Variants in LARS2 observed in about 807,000 individuals in gnomAD.
The protein encoded by LARS2 is leucyl-tRNA synthetase 2, mitochondrial, also known as leucine--tRNA ligase, mitochondrial.
Under a neutral mutation model 116.6 loss-of-function variants are expected in LARS2, and 81 were observed. That is an observed-to-expected ratio of 0.69 (90% CI 0.58 to 0.84). The LOEUF is 0.84. LARS2 is among the 40% of genes least tolerant of loss of function. The pLI is 0.00. For synonymous variants in LARS2, 396 were observed against 407.2 expected, an observed-to-expected ratio of 0.97 and a Z score of 0.33; for missense variants, 968 against 1,114.5, an observed-to-expected ratio of 0.87 and a Z score of 1.87.
intron 4 of LARS2, among the ~76,000 whole-genome samples, chr3:45,412,283 G>A (rs1481805220): frequency 1.3e-5 from 2 of 151,176 alleles, no homozygotes; most frequent in South Asian, 2.1e-4. Flanking sequence ...TTCCACAATG[G>A]TTGAACCAAT....
At chr3:45,393,228 C>T (rs1290384802) in intron 2 of LARS2, among the ~76,000 whole-genome samples, 1 of 150,560 alleles carries the variant, frequency 6.6e-6, no homozygotes, top group Non-Finnish European at 1.5e-5. Context: ...ATCTGCCTCC[C>T]TTATTGTTTG....
At chr3:45,443,713 C>T (rs1190799340) in intron 6 of LARS2, among the ~76,000 whole-genome samples, 2 of 152,106 alleles carry the variant, frequency 1.3e-5, no homozygotes, top group South Asian at 2.1e-4. Flanking sequence ...GGAAATGAAC[C>T]CGCCAGTGAT....
At chr3:45,487,656 G>T (rs927235412) in intron 11 of LARS2, among the ~76,000 whole-genome samples, 1 of 152,012 alleles carries the variant, frequency 6.6e-6, no homozygotes, top group Non-Finnish European at 1.5e-5. Context: ...CTCAGGGAGT[G>T]CTATTGGTAC....
At chr3:45,397,215 A>C (rs768270166) in intron 3 of LARS2, among the ~76,000 whole-genome samples, 2 of 152,172 alleles carry the variant, frequency 1.3e-5, no homozygotes, top group Non-Finnish European at 2.9e-5. Flanking sequence ...TTTCAATCAG[A>C]TTCTTGCTCA....
intron 10 of LARS2, among the ~76,000 whole-genome samples, chr3:45,477,703 C>T (rs1699638724): frequency 6.6e-6 from 1 of 152,226 alleles, no homozygotes; most frequent in Non-Finnish European, 1.5e-5. Context: ...TCCCTATTCT[C>T]TTTCATGAAC....
At chr3:45,478,386 A>G (rs1420008022) in intron 10 of LARS2, among the ~76,000 whole-genome samples, 1 of 152,218 alleles carries the variant, frequency 6.6e-6, no homozygotes, top group Non-Finnish European at 1.5e-5. Context: ...TGGGGACACA[A>G]ATGAAAATAA....
chr3:45,449,960 A>T (rs1699097450), intron 7 of LARS2, among the ~76,000 whole-genome samples: 1 of 152,234 alleles, frequency 6.6e-6, no homozygotes, highest in African/African-American at 2.4e-5. Context: ...TTGCTTTCAC[A>T]AAACAAAAGT....
intron 2 of LARS2, among the ~76,000 whole-genome samples, chr3:45,393,374 A>T (rs1024504454): frequency 1.3e-5 from 2 of 152,086 alleles, no homozygotes; most frequent in Non-Finnish European, 2.9e-5. Context: ...CAGCAGTTCG[A>T]CACCAACCTG....
chr3:45,444,090 C>T (rs1003271917), intron 6 of LARS2, among the ~76,000 whole-genome samples: 3 of 151,164 alleles, frequency 2.0e-5, no homozygotes, highest in Non-Finnish European at 4.4e-5. Context: ...CTGCAAGCTC[C>T]GCCTCCTGGG....
chr3:45,405,062 C>T (rs1002358511), intron 4 of LARS2, among the ~76,000 whole-genome samples: 1 of 151,888 alleles, frequency 6.6e-6, no homozygotes, highest in Non-Finnish European at 1.5e-5. Context: ...ATATAAGCTT[C>T]TCAGTGGCAG....
chr3:45,539,996 T>C (rs1282430646), intron 20 of LARS2, among the ~76,000 whole-genome samples: 1 of 152,278 alleles, frequency 6.6e-6, no homozygotes, highest in East Asian at 1.9e-4. Flanking sequence ...TGGGGTTGGG[T>C]GCGGTGGCTC....
chr3:45,468,893 C>G (rs1269059418), intron 8 of LARS2, among the ~76,000 whole-genome samples: 1 of 152,194 alleles, frequency 6.6e-6, no homozygotes, highest in East Asian at 1.9e-4. Context: ...TCTTTTCTAG[C>G]ACCAGTGACA....
intron 6 of LARS2, among the ~76,000 whole-genome samples, chr3:45,442,083 G>A (rs1470041222): frequency 6.6e-6 from 1 of 152,164 alleles, no homozygotes; most frequent in Non-Finnish European, 1.5e-5. Context: ...CAATGCTTTT[G>A]TAGCTATAAC....
intron 10 of LARS2, among the ~76,000 whole-genome samples, chr3:45,484,630 A>AAAAAAAAATATATATATATATATAT (rs1553634443): frequency 1.0e-4 from 1 of 9,746 alleles, no homozygotes; most frequent in African/African-American, 1.8e-4. Context: ...AAAAAAAAAA[A>AAAAAAAAATATATATATATATATAT]ATATATATAT....
At chr3:45,486,794 A>G (rs535140931) in intron 11 of LARS2, among the ~76,000 whole-genome samples, 1 of 152,322 alleles carries the variant, frequency 6.6e-6, no homozygotes, top group Admixed American at 6.5e-5. Flanking sequence ...ACCAGCCGGG[A>G]TAAACATAAA....
intron 13 of LARS2, among the ~76,000 whole-genome samples, chr3:45,494,014 A>G (rs1247742620): frequency 1.1e-4 from 17 of 152,174 alleles, no homozygotes; most frequent in Non-Finnish European, 5.9e-5. Flanking sequence ...TTGCTCTCCA[A>G]ATAAAAAGAC....
Position 45,485,708 on chromosome 3 carries a change from A to G in LARS2, c.1035A>G (p.Val345=). Residue 345 remains valine (V), a synonymous_variant, in exon 11 of 22, where the codon GTA becomes GTG. Coordinates refer to ENST00000645846, the MANE Select transcript of LARS2 (RefSeq NM_015340.4). The part of the protein sequence containing the change: ...LVPGKDCLTP[V]MAVNMLTQQE... ...CATTTTCAGATTGCCTCACGCCTGT[A>G]ATGGCTGTGAACATGCTTACCCAGC... The G allele has an allele frequency of 6.2e-7, 1 of 1,606,676 alleles. No homozygotes were observed. The highest frequency in any genetic ancestry group is 8.5e-7 in the Non-Finnish European group (1 of 1,176,144).
intron 20 of LARS2, among the ~76,000 whole-genome samples, chr3:45,533,759 T>C (rs1167647622): frequency 6.6e-6 from 1 of 152,200 alleles, no homozygotes; most frequent in African/African-American, 2.4e-5. Context: ...TAGTGTACAC[T>C]GTGGTTTGCC....
chr3:45,524,700 T>C (rs976123162), intron 20 of LARS2, among the ~76,000 whole-genome samples: 1 of 152,208 alleles, frequency 6.6e-6, no homozygotes, highest in African/African-American at 2.4e-5. Context: ...AGATCATGCA[T>C]GCATGGGAAA....
Sources: gnomAD v4.1 joint callset for allele counts (sites outside exome capture counted in the v4.1 genomes callset) on GRCh38, gnomAD v4.1.1 for gene constraint, MANE v1.5 for transcripts, NCBI Gene and HGNC (gene_info 2026-07-23, HGNC 2026-07-21) for gene names.